The following GRID1 variants were observed in gnomAD, a reference collection of about 807,000 sequenced individuals.
GRID1 encodes the protein glutamate receptor ionotropic, delta-1.
GRID1 carries 28 observed loss-of-function variants against 98.0 expected under a neutral mutation model. The ratio of observed to expected loss-of-function variants is 0.29; its 90% CI spans 0.21 to 0.39. The LOEUF (loss-of-function observed/expected upper bound fraction) is 0.39. Among genes scored for constraint, GRID1 ranks in the 10% least tolerant of loss-of-function variants. The probability of loss-of-function intolerance (pLI) is 1.00; values close to 1 mark genes in which losing one functional copy is unlikely to be tolerated. For missense variants in GRID1, 1,111 were observed against 1,340.5 expected (o/e 0.83, Z 2.67); for synonymous variants, 553 against 538.5 (o/e 1.03, Z -0.37).
At chr10:85,922,292 C>T (rs1263857316) in intron 4 of GRID1, among the ~76,000 whole-genome samples, 1 of 152,178 alleles carries the variant, frequency 6.6e-6, no homozygotes, top group Non-Finnish European at 1.5e-5. Flanking sequence ...ATTCCACTTG[C>T]ATTTCTTAAG....
chr10:85,833,067 C>G (rs1842882696), intron 8 of GRID1, among the ~76,000 whole-genome samples: 2 of 152,300 alleles, frequency 1.3e-5, no homozygotes, highest in Admixed American at 1.3e-4. Flanking sequence ...GAGAGATACT[C>G]AGGCAGCTGG....
At position 86,025,367 on chromosome 10, in the gene GRID1, C is replaced by A. The variant is rs1030425067; in HGVS notation, c.727-109128G>T. ...ATGCAGCTCAAGTGCAGAGACCAGGCCTTGAATACGAGTGATTCCAACAAG... is the reference window on the plus strand; with the variant it reads ...ATGCAGCTCAAGTGCAGAGACCAGGACTTGAATACGAGTGATTCCAACAAG... On this transcript the variant is annotated intron_variant, in intron 4 of 15. Coordinates refer to ENST00000327946, the MANE Select transcript of GRID1 (RefSeq NM_017551.3). 2.6e-5 allele frequency among the ~76,000 whole-genome samples: 4 copies of A among 152,320 alleles called. No homozygotes were observed. The South Asian group carries it at 8.3e-4, about 32-fold the overall frequency.
intron 4 of GRID1, among the ~76,000 whole-genome samples, chr10:86,061,290 G>A (rs17106240): frequency 0.021 from 3,252 of 152,200 alleles, 98 homozygotes; most frequent in African/African-American, 0.064. Flanking sequence ...ATAGTTCCAC[G>A]TCTGCAGGGC....
intron 8 of GRID1, among the ~76,000 whole-genome samples, chr10:85,813,138 A>G (rs1842687604): frequency 6.6e-6 from 1 of 151,808 alleles, no homozygotes. Context: ...GAGCCCCAGA[A>G]GAAGAGAAAA....
intron 4 of GRID1, among the ~76,000 whole-genome samples, chr10:86,135,942 G>A (rs1302135807): frequency 6.6e-6 from 1 of 152,220 alleles, no homozygotes; most frequent in African/African-American, 2.4e-5. Context: ...GCCAACTCCA[G>A]CTCATCTGTA....
intron 2 of GRID1, among the ~76,000 whole-genome samples, chr10:86,272,811 T>G (rs775654512): frequency 2.0e-5 from 3 of 152,208 alleles, no homozygotes; most frequent in Non-Finnish European, 2.9e-5. Context: ...GAAAGCTACA[T>G]TAGGCATAGG....
In GRID1 at chr10:86,206,253, C is replaced by T; in HGVS notation, c.520+111G>A. On this transcript the variant is annotated intron_variant, in intron 3 of 15. Coordinates refer to ENST00000327946, the MANE Select transcript of GRID1 (RefSeq NM_017551.3). The surrounding 1 kb of genome is among the most constrained non-coding windows in gnomAD (Gnocchi z 4.1). ...TTTGACCCTATCACCTGGAGGCCCA[C>T]TCAGCACAGACCACCCCTGACCGGT... 9.9e-7 allele frequency: 1 copy of T among 1,012,402 alleles called. No individual in the cohort carries two copies. The highest frequency in any genetic ancestry group is 1.4e-6 in the Non-Finnish European group (1 of 701,946). The allele number at this position is 1,012,402 out of a possible 1,614,324, so 62.7% of individuals were successfully genotyped here.
intron 12 of GRID1, among the ~76,000 whole-genome samples, chr10:85,672,533 C>T (rs1368856915): frequency 1.3e-5 from 2 of 152,100 alleles, no homozygotes; most frequent in African/African-American, 2.4e-5. Context: ...GTCTTGATCT[C>T]TTGACCTCAT....
chr10:86,286,474 C>T (rs1295495807), intron 2 of GRID1, among the ~76,000 whole-genome samples: 1 of 152,220 alleles, frequency 6.6e-6, no homozygotes, highest in Non-Finnish European at 1.5e-5. Context: ...GGGGGAACCA[C>T]CATGGGCTCC....
At chr10:86,237,699 CAAAA>C (rs60612464) in intron 2 of GRID1, among the ~76,000 whole-genome samples, 2 of 90,214 alleles carry the variant, frequency 2.2e-5, no homozygotes, top group Admixed American at 1.3e-4. Context: ...GACTCTGTCT[CAAAA>C]AAAAAAAAAA....
At chr10:85,831,488 C>T (rs1046399014) in intron 8 of GRID1, among the ~76,000 whole-genome samples, 6 of 151,876 alleles carry the variant, frequency 4.0e-5, no homozygotes, top group African/African-American at 1.5e-4. Context: ...AAATCCACAA[C>T]CACAATATGA....
chr10:85,742,383 G>A (rs1051786017), intron 8 of GRID1, among the ~76,000 whole-genome samples: 1 of 152,088 alleles, frequency 6.6e-6, no homozygotes, highest in African/African-American at 2.4e-5. Flanking sequence ...TAAGCGGCAG[G>A]CTGCATTGGG....
chr10:85,770,783 T>A (rs1027341514), intron 8 of GRID1, among the ~76,000 whole-genome samples: 1 of 152,042 alleles, frequency 6.6e-6, no homozygotes, highest in Non-Finnish European at 1.5e-5. Context: ...GAAAAAAGAA[T>A]AAAAAGAAAC....
At position 86,304,770 on chromosome 10, in the gene GRID1, T is replaced by G. The variant is rs115123263; in HGVS notation, c.235+59171A>C. On this transcript the variant is annotated intron_variant, in intron 2 of 15. Transcript: ENST00000327946. ...TCAAGAGGGACAAGGAAACTTGTCT[T>G]TGTCAGAGAAGCAGGGGTTAGAACT... 2.9e-3 allele frequency among the ~76,000 whole-genome samples: 448 copies of G among 152,296 alleles called. 4 individuals carry two copies. The highest frequency in any genetic ancestry group is 0.01 in the African/African-American group (421 of 41,562).
intron 2 of GRID1, among the ~76,000 whole-genome samples, chr10:86,254,035 C>G (rs1846876573): frequency 6.6e-6 from 1 of 152,098 alleles, no homozygotes; most frequent in African/African-American, 2.4e-5. Flanking sequence ...GTCACCGCCA[C>G]CCCCTTCCCT....
At chr10:86,029,668 T>A (rs1843159663) in intron 4 of GRID1, among the ~76,000 whole-genome samples, 1 of 152,014 alleles carries the variant, frequency 6.6e-6, no homozygotes. Flanking sequence ...TTGCCTATAT[T>A]TAGACTAACC....
intron 2 of GRID1, among the ~76,000 whole-genome samples, chr10:86,260,783 C>T (rs145511613): frequency 6.6e-6 from 1 of 152,238 alleles, no homozygotes; most frequent in Non-Finnish European, 1.5e-5. Flanking sequence ...CCCAGAGACA[C>T]CCCTTCATTC....
chr10:85,742,335 G>A (rs553239838), intron 8 of GRID1, among the ~76,000 whole-genome samples: 8 of 152,168 alleles, frequency 5.3e-5, no homozygotes, highest in Non-Finnish European at 1.2e-4. Context: ...CACACATTGA[G>A]TAGTGGAGTT....
chr10:86,135,219 G>A (rs1054468304), intron 4 of GRID1, among the ~76,000 whole-genome samples: 8 of 152,232 alleles, frequency 5.3e-5, no homozygotes, highest in Non-Finnish European at 7.3e-5. Context: ...GTCCCACTTA[G>A]CAACCTGTAG....
Sources: allele counts gnomAD v4.1 joint callset (sites outside exome capture counted in the v4.1 genomes callset), GRCh38; gene constraint gnomAD v4.1.1; non-coding constraint Gnocchi (gnomAD v3.1); transcripts MANE v1.5; gene names NCBI Gene and HGNC (gene_info 2026-07-23, HGNC 2026-07-21).